The following SLC44A2 variants were observed in gnomAD, a reference collection of about 807,000 sequenced individuals.
SLC44A2 encodes the protein solute carrier family 44 member 2 (CTL2 blood group).
SLC44A2 carries 57 observed loss-of-function variants against 90.8 expected under a neutral mutation model. The ratio of observed to expected loss-of-function variants is 0.63; its 90% CI spans 0.51 to 0.78. The LOEUF (loss-of-function observed/expected upper bound fraction) is 0.78, where lower values mean the gene tolerates loss of function less well. SLC44A2 is among the 30% of genes least tolerant of loss of function. The pLI, the probability that SLC44A2 is intolerant of heterozygous loss-of-function variation, is 0.00. For synonymous variants in SLC44A2, 355 were observed against 360.7 expected (o/e 0.98, Z 0.18); for missense variants, 794 against 919.7 (o/e 0.86, Z 1.77).
In SLC44A2 at chr19:10,634,848, C is replaced by T. The variant is rs771646513; in HGVS notation, c.916C>T (p.Arg306Trp). The change falls in exon 11 of 22, where the codon CGG (arginine) becomes TGG (tryptophan). Residue 306 changes from arginine to tryptophan, a missense_variant. Transcript: ENST00000335757. Reference sequence around the variant, plus strand: ...GGACCTCGGCTTTCAGACGGATTTCCGGGTGTACCTGCACTTACGGCAGAC... The same window carrying T: ...GGACCTCGGCTTTCAGACGGATTTCTGGGTGTACCTGCACTTACGGCAGAC... ...LVDLGFQTDF[R>W]VYLHLRQTWL... 9.3e-6 allele frequency: 15 copies of T among 1,614,026 alleles called. No individual in the cohort carries two copies. In the South Asian group the frequency reaches 9.9e-5, roughly 11 times the overall value.
Position 10,632,029 on chromosome 19 carries a change from T to G in SLC44A2, c.711-15T>G, listed in dbSNP as rs775706652. 25 of 1,613,824 alleles carry G rather than the reference T, an allele frequency of 1.5e-5. No homozygotes were observed. Among genetic ancestry groups the G allele is most frequent in the African/African-American group, 2.7e-5 (2 of 74,902 alleles). On this transcript the variant is annotated splice_polypyrimidine_tract_variant and intron_variant, in intron 9 of 21. Transcript: ENST00000335757. ...TGAGGGTGGAGTCTGTTCATGACCG[T>G]TTTCTTTTCCCCAGAGGCCTGGTCA...
rs557855508 is a variant in SLC44A2 at position 10,627,863 on chromosome 19, G to A, written c.161-57G>A. On this transcript the variant is annotated intron_variant, in intron 3 of 21. Coordinates refer to ENST00000335757, the MANE Select transcript of SLC44A2 (RefSeq NM_020428.4). Reference sequence around the variant, plus strand: ...GAGGCAGCCATGGCCTCTGGAGTGGGAACAGGGCTGGATCTGAGGAGTGGC... The same window carrying A: ...GAGGCAGCCATGGCCTCTGGAGTGGAAACAGGGCTGGATCTGAGGAGTGGC... 5.0e-6 allele frequency: 8 copies of A among 1,611,772 alleles called. No individual in the cohort carries two copies. In the East Asian group the frequency reaches 1.6e-4, roughly 31 times the overall value.
At chr19:10,619,180 A>G (rs1384921124) in intron 1 of SLC44A2, among the ~76,000 whole-genome samples, 3 of 151,700 alleles carry the variant, frequency 2.0e-5, no homozygotes, top group East Asian at 3.9e-4. Context: ...CTGTAATCCC[A>G]GCACTTTGAG....
intron 1 of SLC44A2, among the ~76,000 whole-genome samples, chr19:10,608,925 A>G (rs2144804871): frequency 6.7e-6 from 1 of 148,516 alleles, no homozygotes; most frequent in Non-Finnish European, 1.5e-5. Flanking sequence ...TGCTGGGGCT[A>G]GAGTCGTGAG....
At chr19:10,633,848 T>C (rs2067022473) in intron 10 of SLC44A2, among the ~76,000 whole-genome samples, 1 of 152,074 alleles carries the variant, frequency 6.6e-6, no homozygotes, top group Non-Finnish European at 1.5e-5. Flanking sequence ...ATATTAATAG[T>C]GGTTTCTAGC....
At chr19:10,621,585 A>G (rs2066895564), upstream of SLC44A2, among the ~76,000 whole-genome samples, 1 of 151,920 alleles carries the variant, frequency 6.6e-6, no homozygotes, top group Non-Finnish European at 1.5e-5. Flanking sequence ...CTGGGACTAC[A>G]GGTATGTGTC....
At chr19:10,626,662 T>TC (rs2144842853) in intron 2 of SLC44A2, among the ~76,000 whole-genome samples, 1 of 151,772 alleles carries the variant, frequency 6.6e-6, no homozygotes, top group South Asian at 2.1e-4. Context: ...CTCAAAGCGA[T>TC]CCACCTGCCT....
intron 20 of SLC44A2, among the ~76,000 whole-genome samples, chr19:10,638,570 G>A (rs966347361): frequency 4.6e-5 from 7 of 151,912 alleles, no homozygotes; most frequent in Admixed American, 6.6e-5. Context: ...TTTGCCTCCC[G>A]AGTAGTTGGG....
intron 10 of SLC44A2, 39 bp from the exon 11 acceptor site, chr19:10,634,717 G>A (rs375238226): frequency 6.2e-7 from 1 of 1,611,872 alleles, no homozygotes; most frequent in African/African-American, 1.3e-5. Flanking sequence ...AAAGTTGCAG[G>A]AGGCACTGCT....
intron 1 of SLC44A2, among the ~76,000 whole-genome samples, chr19:10,609,291 GT>G (rs757108983): frequency 1.7e-4 from 26 of 150,508 alleles, no homozygotes; most frequent in Non-Finnish European, 3.3e-4. Flanking sequence ...AATTTGGTTT[GT>G]TTTTGTTGCT....
chr19:10,609,027 A>G (rs1918203716), intron 1 of SLC44A2, among the ~76,000 whole-genome samples: 1 of 137,184 alleles, frequency 7.3e-6, no homozygotes, highest in African/African-American at 2.8e-5. Context: ...GCGCCATCTC[A>G]GCTCACTGCA....
At position 10,643,008 on chromosome 19, in the gene SLC44A2, C is replaced by A. The variant is rs749889338; in HGVS notation, c.2015-271C>A. The A allele has an allele frequency of 7.7e-6, 12 of 1,563,658 alleles. No homozygotes were observed. In the South Asian group the frequency reaches 1.4e-4, roughly 18 times the overall value. The stretch of plus-strand genomic sequence containing the variant: ...GCGGAGGAGGGGAAGCGGGCAGAAG[C>A]CGAGGAGTAGAGAGTGAGGGAGACT... On this transcript the variant is annotated intron_variant, in intron 21 of 21. Transcript: ENST00000335757.
At chr19:10,622,341 AC>A (rs930840349), upstream of SLC44A2, among the ~76,000 whole-genome samples, 20 of 152,114 alleles carry the variant, frequency 1.3e-4, no homozygotes, top group Admixed American at 1.2e-3. Flanking sequence ...TGAGGTGGGA[AC>A]CATGGAGGTT....
rs1479695192 is a variant in SLC44A2 at position 10,636,582 on chromosome 19, T to C, written c.1493T>C (p.Leu498Pro). Reference sequence around the variant, plus strand: ...CTCTTCTCTGCCTTTGGCCGGGCGCTCAGGTGGGCTGGCGTTGCAGGCAGG... The same window carrying C: ...CTCTTCTCTGCCTTTGGCCGGGCGCCCAGGTGGGCTGGCGTTGCAGGCAGG... Reference protein sequence around the residue: ...FPLFSAFGRALRYHTGSLAFG... With the variant: ...FPLFSAFGRAPRYHTGSLAFG... Residue 498 changes from leucine to proline, a missense_variant, in exon 15 of 22, where the codon CTC (leucine) becomes CCC (proline). Transcript: ENST00000335757. The C allele has an allele frequency of 6.2e-7, 1 of 1,604,298 alleles. No homozygotes were observed. The highest frequency in any genetic ancestry group is 8.5e-7 in the Non-Finnish European group (1 of 1,176,354).
At position 10,637,362 on chromosome 19, in the gene SLC44A2, A is replaced by T. The variant is rs907235467; in HGVS notation, c.1592-282A>T. On this transcript the variant is annotated intron_variant, in intron 16 of 21. Coordinates refer to ENST00000335757, the MANE Select transcript of SLC44A2 (RefSeq NM_020428.4). ...GCGAGACTCCATTTCAAAAAAAGGA[A>T]AAAAAACTGGTTTATTTTTCTTAGA... Among the ~76,000 whole-genome samples, 4 of 152,208 alleles carry T rather than the reference A, an allele frequency of 2.6e-5. 1 individual carries two copies. The highest frequency in any genetic ancestry group is 6.6e-5 in the Admixed American group (1 of 15,266).
intron 21 of SLC44A2, 89 bp from the exon 22 acceptor site, chr19:10,643,190 C>T (rs1002086128): frequency 8.0e-6 from 12 of 1,500,440 alleles, no homozygotes; most frequent in South Asian, 2.6e-5. Flanking sequence ...TCTGAGGCTT[C>T]TCTGTGACCC....
intron 5 of SLC44A2, 57 bp from the exon 6 acceptor site, chr19:10,631,218 C>T: frequency 6.2e-7 from 1 of 1,605,920 alleles, no homozygotes. Context: ...GGGCTGCGAC[C>T]TCAGTCCTGA....
intron 20 of SLC44A2, 86 bp from the exon 21 acceptor site, chr19:10,642,281 G>A: frequency 2.7e-6 from 3 of 1,098,780 alleles, no homozygotes; most frequent in East Asian, 4.8e-5. Flanking sequence ...GGGGAAGGAT[G>A]TGGTCCCAGC....
chr19:10,634,007 G>A (rs1270881359), intron 10 of SLC44A2, among the ~76,000 whole-genome samples: 2 of 126,024 alleles, frequency 1.6e-5, no homozygotes, highest in African/African-American at 3.2e-5. Flanking sequence ...GTCTCTCACT[G>A]TCGCCCAGGC....
Sources: gnomAD v4.1 joint callset for allele counts (sites outside exome capture counted in the v4.1 genomes callset) on GRCh38, gnomAD v4.1.1 for gene constraint, MANE v1.5 for transcripts, NCBI Gene and HGNC (gene_info 2026-07-23, HGNC 2026-07-21) for gene names.